IMMP1L: variants seen among roughly 807,000 people sequenced by gnomAD.
IMMP1L encodes mitochondrial inner membrane protease subunit 1.
Under a neutral mutation model 21.8 loss-of-function variants are expected in IMMP1L, and 24 were observed. The ratio of observed to expected loss-of-function variants is 1.10; its 90% CI spans 0.80 to 1.55. IMMP1L has a LOEUF of 1.55. IMMP1L is among the 40% of genes most tolerant of loss of function. IMMP1L has a pLI of 0.00. For synonymous variants in IMMP1L, 46 were observed against 62.8 expected (o/e 0.73, Z 1.26); for missense variants, 195 against 200.7 (o/e 0.97, Z 0.17).
intron 4 of IMMP1L, among the ~76,000 whole-genome samples, chr11:31,445,875 C>T (rs764865628): frequency 2.6e-5 from 4 of 151,950 alleles, no homozygotes; most frequent in Non-Finnish European, 4.4e-5. Context: ...TAGGGCTGAG[C>T]GCATCAAAAC....
chr11:31,482,615 T>C (rs1954934085), intron 1 of IMMP1L, among the ~76,000 whole-genome samples: 1 of 151,948 alleles, frequency 6.6e-6, no homozygotes, highest in African/African-American at 2.4e-5. Context: ...ACTTCATTAA[T>C]TGGGGAAATA....
intron 3 of IMMP1L, among the ~76,000 whole-genome samples, chr11:31,456,971 C>T (rs1200783030): frequency 1.4e-5 from 1 of 72,742 alleles, no homozygotes; most frequent in African/African-American, 5.0e-5. Context: ...AAAAACCCTC[C>T]ACACAATTCT....
At chr11:31,481,025 G>A (rs1191168271) in intron 1 of IMMP1L, among the ~76,000 whole-genome samples, 1 of 152,100 alleles carries the variant, frequency 6.6e-6, no homozygotes, top group Non-Finnish European at 1.5e-5. Context: ...AAACTGCAGT[G>A]CAGCTAAGCA....
intron 4 of IMMP1L, chr11:31,448,941 C>T (rs1284870678): frequency 5.1e-6 from 5 of 985,318 alleles, no homozygotes; most frequent in Non-Finnish European, 6.0e-6. Flanking sequence ...AAAGTCACGT[C>T]ACCTCCGCAG....
intron 1 of IMMP1L, among the ~76,000 whole-genome samples, chr11:31,480,848 T>C (rs1954872185): frequency 6.6e-6 from 1 of 152,034 alleles, no homozygotes; most frequent in South Asian, 2.1e-4. Flanking sequence ...TGAGTTAATC[T>C]CCAGACATCC....
rs184327059 is a variant in IMMP1L at position 31,470,829 on chromosome 11, T to A, written c.-29-7524A>T. On this transcript the variant is annotated intron_variant, in intron 1 of 5. Transcript: ENST00000532287. Reference sequence around the variant, plus strand: ...AAATCCTGTCAAACAAGGCAACATGTATGAGCCTGGAGGACAATTATGTTA... The same window carrying A: ...AAATCCTGTCAAACAAGGCAACATGAATGAGCCTGGAGGACAATTATGTTA... 1.4e-3 allele frequency among the ~76,000 whole-genome samples: 213 copies of A among 152,314 alleles called. 2 individuals carry two copies. The highest frequency in any genetic ancestry group is 4.9e-3 in the African/African-American group (205 of 41,576).
chr11:31,497,345 T>C (rs926672526), intron 1 of IMMP1L, among the ~76,000 whole-genome samples: 1 of 152,076 alleles, frequency 6.6e-6, no homozygotes, highest in Non-Finnish European at 1.5e-5. Context: ...TGATTCCACT[T>C]ATATGAGGTG....
chr11:31,457,218 AAAAT>A (rs1226649233), intron 3 of IMMP1L, among the ~76,000 whole-genome samples: 1 of 152,136 alleles, frequency 6.6e-6, no homozygotes, highest in Non-Finnish European at 1.5e-5. Flanking sequence ...TACACTCTGA[AAAAT>A]AAAATGAGAT....
At chr11:31,478,132 G>C (rs1172201164) in intron 1 of IMMP1L, among the ~76,000 whole-genome samples, 1 of 152,170 alleles carries the variant, frequency 6.6e-6, no homozygotes, top group Admixed American at 6.5e-5. Flanking sequence ...TGCATAATAA[G>C]ATTACACAGC....
rs552063965 is a variant in IMMP1L, at chr11:31,472,448, G to T, written c.-29-9143C>A. ...TGCTCTAAACTCTTGGTGACCAATG[G>T]CCATTGCCAGCCTTGGGCAGCCCTA... On this transcript the variant is annotated intron_variant, in intron 1 of 5. Coordinates refer to ENST00000532287, the MANE Select transcript of IMMP1L (RefSeq NM_001304274.2). Among the ~76,000 whole-genome samples the T allele has an allele frequency of 4.6e-5, 7 of 152,286 alleles. No individual in the cohort carries two copies. The South Asian group carries it at 1.5e-3, about 32-fold the overall frequency.
chr11:31,499,234 G>A (rs951849927), intron 1 of IMMP1L, among the ~76,000 whole-genome samples: 2 of 151,970 alleles, frequency 1.3e-5, no homozygotes, highest in East Asian at 1.9e-4. Context: ...GCGTGGTGGC[G>A]GGCACCTGTA....
chr11:31,470,338 G>A (rs550309666), intron 1 of IMMP1L, among the ~76,000 whole-genome samples: 207 of 152,092 alleles, frequency 1.4e-3, no homozygotes, highest in African/African-American at 4.7e-3. Flanking sequence ...GCTTGAACCC[G>A]GGAGGCGGAG....
intron 4 of IMMP1L, among the ~76,000 whole-genome samples, chr11:31,438,908 A>C (rs1393810582): frequency 4.6e-5 from 7 of 152,186 alleles, no homozygotes; most frequent in African/African-American, 1.7e-4. Context: ...AAAGGAAAGA[A>C]TTTCGCAGCA....
At chr11:31,462,940 A>G (rs1954201264) in intron 2 of IMMP1L, among the ~76,000 whole-genome samples, 2 of 152,318 alleles carry the variant, frequency 1.3e-5, no homozygotes, top group Admixed American at 1.3e-4. Context: ...CTTTGTGCCC[A>G]TTAGAAACAG....
At chr11:31,498,680 A>G (rs192749570) in intron 1 of IMMP1L, among the ~76,000 whole-genome samples, 36 of 152,344 alleles carry the variant, frequency 2.4e-4, no homozygotes, top group African/African-American at 8.2e-4. Flanking sequence ...AATAGTGGAT[A>G]AGAGTATGAA....
intron 4 of IMMP1L, among the ~76,000 whole-genome samples, chr11:31,434,785 G>T (rs1953065715): frequency 6.6e-6 from 1 of 152,050 alleles, no homozygotes. Flanking sequence ...GTAGAAAAAG[G>T]ACATAAGTTT....
chr11:31,487,598 T>C (rs1955125226), intron 1 of IMMP1L, among the ~76,000 whole-genome samples: 1 of 152,170 alleles, frequency 6.6e-6, no homozygotes, highest in African/African-American at 2.4e-5. Flanking sequence ...AGCTGGATTA[T>C]AGCATAGTTA....
chr11:31,457,441 C>T (rs1020598616), intron 3 of IMMP1L, among the ~76,000 whole-genome samples: 2 of 152,190 alleles, frequency 1.3e-5, no homozygotes, highest in Admixed American at 1.3e-4. Flanking sequence ...TGTTGACTAA[C>T]ACACGTTTAA....
chr11:31,447,059 G>T (rs1953551283), intron 4 of IMMP1L, among the ~76,000 whole-genome samples: 2 of 152,176 alleles, frequency 1.3e-5, no homozygotes, highest in African/African-American at 4.8e-5. Flanking sequence ...CATTATTTCA[G>T]AAAGTTCTAT....
Sources: gnomAD v4.1 joint callset for allele counts (sites outside exome capture counted in the v4.1 genomes callset) on GRCh38, gnomAD v4.1.1 for gene constraint, MANE v1.5 for transcripts, NCBI Gene and HGNC (gene_info 2026-07-23, HGNC 2026-07-21) for gene names.